Variants in MAP2 observed in about 807,000 individuals in gnomAD.
MAP2 encodes the protein microtubule associated protein 2, also known as microtubule-associated protein 2.
In MAP2, 14 loss-of-function variants were observed where a neutral mutation model predicts 137.6. The ratio of observed to expected loss-of-function variants is 0.10; its 90% CI spans 0.07 to 0.16. The LOEUF (loss-of-function observed/expected upper bound fraction) is 0.16. Ranked by LOEUF, MAP2 falls within the 10% of genes least tolerant of loss-of-function variation. MAP2 has a pLI of 1.00. For synonymous variants in MAP2, 786 were observed against 782.3 expected (o/e 1.00, Z -0.08); for missense variants, 2,088 against 2,191.5 (o/e 0.95, Z 0.94).
rs571678858 is a variant in MAP2 at position 209,504,042 on chromosome 2, G to C, written c.-221-3550G>C. On this transcript the variant is annotated intron_variant, in intron 1 of 15. Transcript: ENST00000682079. ...ACCCAGGAGGTGGAGGTTGCAGTGAGCTGAGATGGTGCCATTGCACTCCAG... is the reference window on the plus strand; with the variant it reads ...ACCCAGGAGGTGGAGGTTGCAGTGACCTGAGATGGTGCCATTGCACTCCAG... Among the ~76,000 whole-genome samples, 87 of 151,802 alleles carry C rather than the reference G, an allele frequency of 5.7e-4. No homozygotes were observed. In the South Asian group the frequency reaches 5.8e-3, roughly 10 times the overall value.
chr2:209,686,389 G>T (rs1021356950), intron 7 of MAP2, among the ~76,000 whole-genome samples: 1 of 152,084 alleles, frequency 6.6e-6, no homozygotes, highest in Admixed American at 6.5e-5. Context: ...GTCAGCACTT[G>T]GTTGCCAAAA....
At chr2:209,506,963 T>G (rs1339436637) in intron 1 of MAP2, among the ~76,000 whole-genome samples, 2 of 152,196 alleles carry the variant, frequency 1.3e-5, no homozygotes, top group East Asian at 3.8e-4. Flanking sequence ...AGATTGGTTT[T>G]GCTGAGGTCC....
At chr2:209,445,514 T>A (rs1451531592) in intron 1 of MAP2, among the ~76,000 whole-genome samples, 1 of 151,490 alleles carries the variant, frequency 6.6e-6, no homozygotes, top group African/African-American at 2.4e-5. Context: ...GAAATGTGGG[T>A]GGAGACAAGA....
In MAP2 at chr2:209,628,201, A is replaced by G. The variant is rs1406294872; in HGVS notation, c.-30+3072A>G. 2.0e-5 allele frequency among the ~76,000 whole-genome samples: 3 copies of G among 152,146 alleles called. No individual in the cohort carries two copies. The East Asian group carries it at 5.8e-4, about 29-fold the overall frequency. On this transcript the variant is annotated intron_variant, in intron 4 of 15. Coordinates refer to ENST00000682079, the MANE Select transcript of MAP2 (RefSeq NM_001375505.1). The stretch of plus-strand genomic sequence containing the variant: ...CCAACATGGTGAAACCCCCGTCTCT[A>G]CTAAAAATAAAAAATTAGCCGGGCA...
At chr2:209,698,871 T>C (rs2060981597) in intron 10 of MAP2, among the ~76,000 whole-genome samples, 1 of 152,172 alleles carries the variant, frequency 6.6e-6, no homozygotes, top group South Asian at 2.1e-4. Flanking sequence ...AAAAACTCTA[T>C]AACCTACCTA....
chr2:209,533,261 G>C (rs182101595), intron 2 of MAP2, among the ~76,000 whole-genome samples: 4,209 of 151,924 alleles, frequency 0.028, 194 homozygotes, highest in African/African-American at 0.096. Context: ...TCTCCTGCCT[G>C]AGCCTCCCAA....
intron 13 of MAP2, among the ~76,000 whole-genome samples, chr2:209,722,643 T>C (rs2071690007): frequency 6.6e-6 from 1 of 152,188 alleles, no homozygotes; most frequent in African/African-American, 2.4e-5. Context: ...ATATTGCTTA[T>C]GTGTCCTCCA....
In MAP2 at chr2:209,710,248, G is replaced by A. The variant is rs541515893; in HGVS notation, c.5067G>A (p.Gly1689=). Residue 1689 remains glycine (G), a synonymous_variant, in exon 13 of 16, where the codon GGG becomes GGA. Coordinates refer to ENST00000682079, the MANE Select transcript of MAP2 (RefSeq NM_001375505.1). ...ACAACATCAAATACCAGCCTAAAGG[G>A]GGGCAGGTAAGAATTGCATGAACAC... ...STDNIKYQPK[G]GQVQIVTKKI... 3.8e-6 allele frequency: 6 copies of A among 1,569,182 alleles called. No individual in the cohort carries two copies. The highest frequency in any genetic ancestry group is 4.3e-6 in the Non-Finnish European group (5 of 1,155,996).
intron 1 of MAP2, among the ~76,000 whole-genome samples, chr2:209,475,439 G>A (rs953097005): frequency 2.0e-5 from 3 of 151,768 alleles, no homozygotes; most frequent in Non-Finnish European, 4.4e-5. Flanking sequence ...TATAACATTA[G>A]GGAAAAACAT....
In MAP2 at chr2:209,695,665, T is replaced by C; in HGVS notation, c.3495T>C (p.Ile1165=). 6.2e-7 allele frequency: 1 copy of C among 1,614,114 alleles called. No individual in the cohort carries two copies. Among genetic ancestry groups the C allele is most frequent in the Non-Finnish European group, 8.5e-7 (1 of 1,179,996 alleles). Residue 1165 remains isoleucine, a synonymous_variant, in exon 8 of 16, where the codon ATT becomes ATC. Coordinates refer to ENST00000682079, the MANE Select transcript of MAP2 (RefSeq NM_001375505.1). The part of the protein sequence containing the change: ...SPESSLIQDE[I]AVKLSVEIPC... ...AATCATCTCTAATTCAAGATGAGAT[T>C]GCCGTCAAATTGTCAGTGGAAATAC...
intron 2 of MAP2, among the ~76,000 whole-genome samples, chr2:209,567,876 G>C (rs1489280922): frequency 6.6e-6 from 1 of 151,944 alleles, no homozygotes; most frequent in Admixed American, 6.6e-5. Context: ...TCTGATGATA[G>C]AATGAGCCAT....
chr2:209,588,250 G>A (rs753908751), intron 3 of MAP2, among the ~76,000 whole-genome samples: 3 of 152,212 alleles, frequency 2.0e-5, no homozygotes, highest in Non-Finnish European at 4.4e-5. Flanking sequence ...GAGTAGCACA[G>A]AATCATCTCT....
At chr2:209,447,696 C>G (rs1575066085) in intron 1 of MAP2, among the ~76,000 whole-genome samples, 1 of 152,162 alleles carries the variant, frequency 6.6e-6, no homozygotes, top group South Asian at 2.1e-4. Flanking sequence ...GATCATTATT[C>G]AAGCCAGTGT....
At chr2:209,465,382 T>C (rs898751803) in intron 1 of MAP2, among the ~76,000 whole-genome samples, 4 of 152,184 alleles carry the variant, frequency 2.6e-5, no homozygotes, top group Admixed American at 6.5e-5. Flanking sequence ...TTGCTATAAA[T>C]ATTTTTCACA....
At chr2:209,632,487 C>T (rs2093173542) in intron 4 of MAP2, among the ~76,000 whole-genome samples, 1 of 152,124 alleles carries the variant, frequency 6.6e-6, no homozygotes, top group Non-Finnish European at 1.5e-5. Context: ...AAGTGTCATA[C>T]TTCGTGCTTA....
At chr2:209,660,720 ATTATTATT>A (rs950908588) in intron 5 of MAP2, among the ~76,000 whole-genome samples, 1 of 130,308 alleles carries the variant, frequency 7.7e-6, no homozygotes, top group Non-Finnish European at 1.6e-5. Flanking sequence ...TATTATTATT[ATTATTATT>A]ATTATTATTA....
Position 209,617,206 on chromosome 2 carries a change from G to A in MAP2, c.-106-7847G>A, listed in dbSNP as rs138176293. ...TTGTGTTGGAGAAGAATGAGGCCTA[G>A]AGATAGACAAAAGGACAGGAGAAGA... On this transcript the variant is annotated intron_variant, in intron 3 of 15. Transcript: ENST00000682079. 1.2e-4 allele frequency among the ~76,000 whole-genome samples: 19 copies of A among 152,218 alleles called. No homozygotes were observed. In the East Asian group the frequency reaches 3.5e-3, roughly 28 times the overall value.
rs1240198499 is a variant in MAP2, at chr2:209,580,040, T to C, written c.-167T>C. On this transcript the variant is annotated 5_prime_UTR_variant, in exon 3 of 16. Transcript: ENST00000682079. ...TCTTTTGTTTTGTTTCGGTAGATTC[T>C]TCAGCTTGTCTCTAACCGAGGAAGC... 2 of 151,590 alleles carry C rather than the reference T, an allele frequency of 1.3e-5. No individual in the cohort carries two copies. Among genetic ancestry groups the C allele is most frequent in the African/African-American group, 4.8e-5 (2 of 41,308 alleles). The allele number at this position is 151,590 out of a possible 1,614,324, so 9.4% of individuals were successfully genotyped here. A position where few individuals can be genotyped will look rare whatever the true frequency, so the allele number is the denominator to read the frequency against.
chr2:209,555,948 G>T (rs191841518), intron 2 of MAP2, among the ~76,000 whole-genome samples: 1 of 151,598 alleles, frequency 6.6e-6, no homozygotes, highest in Admixed American at 6.6e-5. Context: ...TCCTTTTAAT[G>T]GTATTAGTTC....
Sources: allele counts gnomAD v4.1 joint callset (sites outside exome capture counted in the v4.1 genomes callset), GRCh38; gene constraint gnomAD v4.1.1; transcripts MANE v1.5; gene names NCBI Gene and HGNC (gene_info 2026-07-23, HGNC 2026-07-21).